The following MAML3 variants were observed in gnomAD, a reference collection of about 807,000 sequenced individuals.
The protein encoded by MAML3 is mastermind-like protein 3.
In MAML3, 27 loss-of-function variants were observed where a neutral mutation model predicts 101.9. The ratio of observed to expected loss-of-function variants is 0.27; its 90% CI spans 0.20 to 0.37. MAML3 has a LOEUF of 0.37. Ranked by LOEUF, MAML3 falls within the 10% of genes least tolerant of loss-of-function variation. The pLI is 1.00. For synonymous variants in MAML3, 501 were observed against 555.9 expected (o/e 0.90, Z 1.39); for missense variants, 1,316 against 1,444.9 (o/e 0.91, Z 1.45).
At chr4:139,747,700 GA>G (rs542820392) in intron 2 of MAML3, among the ~76,000 whole-genome samples, 14,813 of 139,990 alleles carry the variant, frequency 0.11, 846 homozygotes, top group Admixed American at 0.18. Flanking sequence ...TCTCAGAAAA[GA>G]AAAAAAAAAA....
chr4:140,140,762 CT>C (rs1031083701), intron 1 of MAML3, among the ~76,000 whole-genome samples: 25 of 152,280 alleles, frequency 1.6e-4, no homozygotes, highest in African/African-American at 5.8e-4. Context: ...CCACATGTAC[CT>C]TGTACAAGGT....
chr4:140,086,503 T>G (rs1344561030), intron 1 of MAML3, among the ~76,000 whole-genome samples: 1 of 152,216 alleles, frequency 6.6e-6, no homozygotes, highest in Non-Finnish European at 1.5e-5. Flanking sequence ...TGAAGAAATT[T>G]CAATCATTCT....
chr4:139,977,280 G>C (rs1734357800), intron 1 of MAML3, among the ~76,000 whole-genome samples: 1 of 152,080 alleles, frequency 6.6e-6, no homozygotes, highest in Non-Finnish European at 1.5e-5. Context: ...GGATGCTGCT[G>C]AACATCCCAG....
intron 1 of MAML3, among the ~76,000 whole-genome samples, chr4:139,952,760 GA>G (rs369014563): frequency 2.4e-4 from 37 of 152,330 alleles, no homozygotes; most frequent in African/African-American, 8.7e-4. Flanking sequence ...ACTGTGGACA[GA>G]AATGATGTGT....
At chr4:139,762,051 AG>A (rs1350210649) in intron 2 of MAML3, among the ~76,000 whole-genome samples, 33 of 152,330 alleles carry the variant, frequency 2.2e-4, no homozygotes, top group African/African-American at 6.7e-4. Context: ...GTGGGTTTCT[AG>A]GAGCTTCTAT....
chr4:140,119,083 C>T (rs1268651277), intron 1 of MAML3, among the ~76,000 whole-genome samples: 1 of 152,140 alleles, frequency 6.6e-6, no homozygotes, highest in African/African-American at 2.4e-5. Flanking sequence ...GGTGGCATTC[C>T]CCAGAGAATT....
intron 1 of MAML3, among the ~76,000 whole-genome samples, chr4:139,919,969 A>C (rs78977942): frequency 0.017 from 2,597 of 152,292 alleles, 76 homozygotes; most frequent in African/African-American, 0.06. Flanking sequence ...TATTTTTGCT[A>C]TAGAGGCCAT....
chr4:139,720,356 T>C, intron 4 of MAML3, 33 bp from the exon 5 acceptor site: 6 of 1,504,904 alleles, frequency 4.0e-6, no homozygotes, highest in Non-Finnish European at 5.3e-6. Context: ...TACCACTCAC[T>C]CTTCTCCATA....
intron 2 of MAML3, among the ~76,000 whole-genome samples, chr4:139,815,810 G>C (rs887292620): frequency 1.3e-5 from 2 of 152,116 alleles, no homozygotes; most frequent in South Asian, 4.1e-4. Context: ...TCAGATCCTG[G>C]CTCCCTGCCT....
intron 2 of MAML3, among the ~76,000 whole-genome samples, chr4:139,886,755 T>C (rs891103202): frequency 6.6e-6 from 1 of 152,222 alleles, no homozygotes; most frequent in Admixed American, 6.5e-5. Flanking sequence ...AAGAATAATA[T>C]GTAAATTCTG....
intron 1 of MAML3, among the ~76,000 whole-genome samples, chr4:139,909,449 A>G (rs971386025): frequency 1.3e-5 from 2 of 152,276 alleles, no homozygotes; most frequent in Non-Finnish European, 2.9e-5. Context: ...GGAAGCATCA[A>G]CTCACCACTC....
At chr4:139,913,708 G>A (rs112963201) in intron 1 of MAML3, among the ~76,000 whole-genome samples, 5 of 152,294 alleles carry the variant, frequency 3.3e-5, no homozygotes, top group Middle Eastern at 3.4e-3. Context: ...TTTAGGTCCC[G>A]CATAACATCT....
At chr4:140,087,222 G>C (rs1727968201) in intron 1 of MAML3, among the ~76,000 whole-genome samples, 1 of 152,160 alleles carries the variant, frequency 6.6e-6, no homozygotes, top group South Asian at 2.1e-4. Flanking sequence ...TCTATTTTTT[G>C]TGTGACTCTT....
intron 2 of MAML3, among the ~76,000 whole-genome samples, chr4:139,834,168 G>A: frequency 6.6e-6 from 1 of 152,218 alleles, no homozygotes; most frequent in South Asian, 2.1e-4. Flanking sequence ...GGTTTTAATA[G>A]GAAACTTATC....
chr4:140,118,251 A>G (rs985295259), intron 1 of MAML3, among the ~76,000 whole-genome samples: 4 of 151,936 alleles, frequency 2.6e-5, no homozygotes, highest in Admixed American at 2.0e-4. Context: ...CTGGGTCCAA[A>G]CCACAGCCCT....
intron 2 of MAML3, among the ~76,000 whole-genome samples, chr4:139,773,263 C>T (rs781542394): frequency 6.6e-6 from 1 of 152,086 alleles, no homozygotes; most frequent in Non-Finnish European, 1.5e-5. Context: ...TTCACATTGC[C>T]CTACCCAGTC....
intron 2 of MAML3, among the ~76,000 whole-genome samples, chr4:139,814,137 A>G (rs564796590): frequency 5.9e-4 from 90 of 152,272 alleles, no homozygotes; most frequent in African/African-American, 2.1e-3. Context: ...AGAGGCAGAA[A>G]GAGAACTGTG....
In MAML3 at chr4:139,719,881, C is replaced by T; in HGVS notation, c.2859G>A (p.Met953Ile). ...PQAPPRLQSL[M>I]GTVQQGAQSW... is the part of the protein sequence containing the mutation. ...TTTGTGCTCCTTGCTGGACTGTTCC[C>T]ATAAGGCTCTGCAGCCTTGGAGGGG... The change falls in exon 5 of 5, where the codon ATG (methionine) becomes ATA (isoleucine). Residue 953 changes from methionine to isoleucine, a missense_variant. Coordinates refer to ENST00000509479, the MANE Select transcript of MAML3 (RefSeq NM_018717.5). The T allele has an allele frequency of 1.1e-5, 17 of 1,613,984 alleles. No individual in the cohort carries two copies. Among genetic ancestry groups the T allele is most frequent in the Non-Finnish European group, 1.4e-5 (17 of 1,179,904 alleles).
At chr4:140,017,970 T>C (rs944787003) in intron 1 of MAML3, among the ~76,000 whole-genome samples, 1 of 151,884 alleles carries the variant, frequency 6.6e-6, no homozygotes, top group Non-Finnish European at 1.5e-5. Context: ...GCCTTACAAC[T>C]GCATGTGAAT....
Sources: gnomAD v4.1 joint callset for allele counts (sites outside exome capture counted in the v4.1 genomes callset) on GRCh38, gnomAD v4.1.1 for gene constraint, MANE v1.5 for transcripts, NCBI Gene and HGNC (gene_info 2026-07-23, HGNC 2026-07-21) for gene names.